The following TMEM245 variants were observed in gnomAD, a reference collection of about 807,000 sequenced individuals.
The protein encoded by TMEM245 is transmembrane protein 245.
Under a neutral mutation model 101.2 loss-of-function variants are expected in TMEM245, and 69 were observed. The observed-to-expected ratio is 0.68, with a 90% CI of 0.56 to 0.83. The LOEUF (loss-of-function observed/expected upper bound fraction) is 0.83. Ranked by LOEUF, TMEM245 falls within the 40% of genes least tolerant of loss-of-function variation. The pLI is 0.00. For missense variants in TMEM245, 1,075 were observed against 1,092.8 expected (o/e 0.98, Z 0.23); for synonymous variants, 537 against 449.8 (o/e 1.19, Z -2.45).
chr9:109,119,734 C>T lies in TMEM245; in HGVS notation c.180G>A (p.Val60=). The T allele has an allele frequency of 6.5e-7, 1 of 1,540,722 alleles. No individual in the cohort carries two copies. The highest frequency in any genetic ancestry group is 8.7e-7 in the Non-Finnish European group (1 of 1,148,978). The part of the protein sequence containing the change: ...IKQAFYNTGA[V]LFVCLCCGAA... ...CGCCGCAGCACAGGCACACGAACAG[C>T]ACGGCCCCGGTGTTGTAGAAGGCCT... The change falls in exon 1 of 18, where the codon GTG becomes GTA. Residue 60 remains valine, a synonymous_variant. Transcript: ENST00000374586.
intron 1 of TMEM245, among the ~76,000 whole-genome samples, chr9:109,118,879 A>G (rs1208385408): frequency 6.6e-6 from 1 of 152,192 alleles, no homozygotes; most frequent in East Asian, 1.9e-4. Context: ...CTAGCCTGGT[A>G]AGAGGTCACC....
chr9:109,103,954 G>A (rs1234192784), intron 3 of TMEM245, among the ~76,000 whole-genome samples: 8 of 151,982 alleles, frequency 5.3e-5, no homozygotes, highest in African/African-American at 1.4e-4. Context: ...GCATGATGGC[G>A]GGTGCCTGGA....
At chr9:109,053,647 T>C (rs1269456143) in intron 12 of TMEM245, among the ~76,000 whole-genome samples, 1 of 152,140 alleles carries the variant, frequency 6.6e-6, no homozygotes, top group African/African-American at 2.4e-5. Flanking sequence ...GGCCTCACCA[T>C]CTCCAGTGGC....
intron 5 of TMEM245, among the ~76,000 whole-genome samples, chr9:109,088,767 G>A (rs1341054537): frequency 7.2e-6 from 1 of 138,204 alleles, no homozygotes; most frequent in Non-Finnish European, 1.5e-5. Context: ...AATGAGCCGA[G>A]ATCCCGCCAC....
intron 16 of TMEM245, among the ~76,000 whole-genome samples, chr9:109,035,452 A>T (rs370271807): frequency 3.3e-5 from 5 of 152,334 alleles, no homozygotes; most frequent in Admixed American, 6.5e-5. Context: ...TTATATGGCT[A>T]AAGTGTTGAT....
rs1828023013 is a variant in TMEM245 at position 109,033,388 on chromosome 9, T to C, written c.2513A>G (p.Asn838Ser). Residue 838 changes from asparagine to serine, a missense_variant, in exon 17 of 18, where the codon AAT becomes AGT. By Grantham distance (46) the Asn-to-Ser change is conservative. Around this residue, in one of 2 missense-constraint regions of TMEM245, gnomAD observed 267 missense variants for 351.3 expected, o/e 0.76. Transcript: ENST00000374586. ...ILLCILVVASNIYSAMLVSPT... is the reference protein window; with the variant it reads ...ILLCILVVASSIYSAMLVSPT... ...ACTCACTAGCATGGCACTATAGATA[T>C]TGGAAGCAACCACAAGTATGCAGAG... 3.1e-6 allele frequency: 5 copies of C among 1,614,122 alleles called. No individual in the cohort carries two copies. Among genetic ancestry groups the C allele is most frequent in the African/African-American group, 1.3e-5 (1 of 75,026 alleles).
chr9:109,064,292 T>C lies in TMEM245; in HGVS notation c.1623+185A>G, dbSNP rs72760331. ...AAAGTACATGACCAACCTCTCAGAT[T>C]GTTCAGGGTACTACCCCTATTCAAT... On this transcript the variant is annotated intron_variant, in intron 10 of 17. Coordinates refer to ENST00000374586, the MANE Select transcript of TMEM245 (RefSeq NM_032012.4). Among the ~76,000 whole-genome samples the C allele has an allele frequency of 4.0e-3, 610 of 152,330 alleles. 2 individuals carry two copies. Among genetic ancestry groups the C allele is most frequent in the Non-Finnish European group, 7.3e-3 (494 of 68,022 alleles).
intron 3 of TMEM245, among the ~76,000 whole-genome samples, chr9:109,102,728 A>T (rs1409628235): frequency 6.6e-6 from 1 of 152,200 alleles, no homozygotes; most frequent in East Asian, 1.9e-4. Flanking sequence ...GTTTCTCTGT[A>T]TTTCCTAACT....
chr9:109,069,119 T>C, intron 9 of TMEM245, among the ~76,000 whole-genome samples: 1 of 152,234 alleles, frequency 6.6e-6, no homozygotes, highest in Non-Finnish European at 1.5e-5. Context: ...CAACTCCCTG[T>C]GAATCTATAA....
intron 3 of TMEM245, among the ~76,000 whole-genome samples, chr9:109,105,366 G>A (rs1405877516): frequency 2.0e-5 from 3 of 152,208 alleles, no homozygotes; most frequent in Non-Finnish European, 2.9e-5. Context: ...GTGTTGGCAA[G>A]GATGCAAAGA....
rs2132285041 is a variant in TMEM245, at chr9:109,026,590, GAACT to G, written c.2595-6089_2595-6086del. Among the ~76,000 whole-genome samples the G allele has an allele frequency of 1.3e-5, 2 of 150,674 alleles. 1 individual carries two copies. The highest frequency in any genetic ancestry group is 4.2e-4 in the South Asian group (2 of 4,744). ...CAAAGGCCATGAAAGAAAAAAAAAA[GAACT>G]AAGAGGCAAAAGCAACAAATTCTAA... On this transcript the variant is annotated intron_variant, in intron 17 of 17. Transcript: ENST00000374586.
rs1285754350 is a variant in TMEM245, at chr9:109,060,450, G to A, written c.1626C>T (p.Leu542=). ...QYGREWITHK[L]HKILGDKVNN... ...TCACCTTATCTCCTAGAATTTTATG[G>A]AGCTAGAAAAAAACACAGATACGAC... Residue 542 remains leucine (L), a splice_region_variant and synonymous_variant, in exon 11 of 18, where the codon CTC becomes CTT. Coordinates refer to ENST00000374586, the MANE Select transcript of TMEM245 (RefSeq NM_032012.4). 2 of 1,607,922 alleles carry A rather than the reference G, an allele frequency of 1.2e-6. No homozygotes were observed. Among genetic ancestry groups the A allele is most frequent in the Non-Finnish European group, 1.7e-6 (2 of 1,176,550 alleles).
chr9:109,099,116 C>G (rs1830217613), intron 3 of TMEM245, among the ~76,000 whole-genome samples: 1 of 152,192 alleles, frequency 6.6e-6, no homozygotes, highest in Non-Finnish European at 1.5e-5. Flanking sequence ...AATAACACCT[C>G]CCCAGCCTGC....
At chr9:109,049,789 T>C (rs1052424001) in intron 14 of TMEM245, among the ~76,000 whole-genome samples, 1 of 152,116 alleles carries the variant, frequency 6.6e-6, no homozygotes, top group South Asian at 2.1e-4. Flanking sequence ...ATCACACCAC[T>C]GCAATCCATC....
intron 12 of TMEM245, among the ~76,000 whole-genome samples, chr9:109,051,108 T>C (rs889628017): frequency 6.6e-6 from 1 of 151,930 alleles, no homozygotes; most frequent in African/African-American, 2.4e-5. Flanking sequence ...CTGACCAACA[T>C]AGTAAAACCC....
At chr9:109,050,831 T>TAA (rs199816612) in intron 12 of TMEM245, 139 bp from the exon 13 acceptor site, 295 of 793,366 alleles carry the variant, frequency 3.7e-4, no homozygotes, top group East Asian at 1.1e-3. Flanking sequence ...AAATGAAAAT[T>TAA]AAAAAAAAAA....
At chr9:109,059,793 A>G (rs966825083) in intron 11 of TMEM245, among the ~76,000 whole-genome samples, 1 of 152,070 alleles carries the variant, frequency 6.6e-6, no homozygotes, top group South Asian at 2.1e-4. Flanking sequence ...GTACTGTCTA[A>G]AACAGTAGCC....
At chr9:109,041,008 T>C (rs1828284960) in intron 14 of TMEM245, among the ~76,000 whole-genome samples, 1 of 152,326 alleles carries the variant, frequency 6.6e-6, no homozygotes, top group Admixed American at 6.5e-5. Flanking sequence ...TAACTAATAT[T>C]AGCTTTAATC....
chr9:109,081,217 T>C (rs1162908261), intron 7 of TMEM245, among the ~76,000 whole-genome samples: 3 of 152,192 alleles, frequency 2.0e-5, no homozygotes, highest in Non-Finnish European at 4.4e-5. Context: ...CTATAGGATA[T>C]CTATGTTTCA....
Sources: gnomAD v4.1 joint callset for allele counts (sites outside exome capture counted in the v4.1 genomes callset) on GRCh38, gnomAD v4.1.1 for gene constraint, gnomAD v4.1.1 regional missense constraint, MANE v1.5 for transcripts, NCBI Gene and HGNC (gene_info 2026-07-23, HGNC 2026-07-21) for gene names.